The following BACE1 variants were observed in gnomAD, a reference collection of about 807,000 sequenced individuals.
BACE1 encodes the protein beta-secretase 1, also known as APP beta-secretase.
Under a neutral mutation model 54.0 loss-of-function variants are expected in BACE1, and 21 were observed. That is an observed-to-expected ratio of 0.39 (90% CI 0.28 to 0.56). The LOEUF (loss-of-function observed/expected upper bound fraction) is 0.56. Among genes scored for constraint, BACE1 ranks in the 20% least tolerant of loss-of-function variants. The pLI, the probability that BACE1 is intolerant of heterozygous loss-of-function variation, is 0.63. For synonymous variants in BACE1, 232 were observed against 260.9 expected, an observed-to-expected ratio of 0.89 and a Z score of 1.07; for missense variants, 511 against 661.2, an observed-to-expected ratio of 0.77 and a Z score of 2.49.
In BACE1 at chr11:117,297,234, G is replaced by T. The variant is rs2034622393; in HGVS notation, c.262-273C>A. 15 of 403,144 alleles carry T rather than the reference G, an allele frequency of 3.7e-5. No individual in the cohort carries two copies. The South Asian group carries it at 5.5e-4, about 15-fold the overall frequency. The allele number at this position is 403,144 out of a possible 1,614,324, so 25.0% of individuals were successfully genotyped here. ...ACTGAAAAAAGGCAGATTAGTAGAA[G>T]AACTAATATGCAAGGGAGTCAAAAA... On this transcript the variant is annotated intron_variant, in intron 1 of 8. Coordinates refer to ENST00000313005, the MANE Select transcript of BACE1 (RefSeq NM_012104.6).
rs2034508843 is a variant in BACE1, at chr11:117,293,386, C to G, written c.706-198G>C. On this transcript the variant is annotated intron_variant, in intron 4 of 8. Coordinates refer to ENST00000313005, the MANE Select transcript of BACE1 (RefSeq NM_012104.6). This position sits in a 1 kb window ranked among gnomAD's most constrained non-coding sequence, Gnocchi z 4.1. Reference sequence around the variant, plus strand: ...AAATGTGTTCAGGAGAAAAGACTTTCCGGGATTTTTAATTATTTGTTTCAG... The same window carrying G: ...AAATGTGTTCAGGAGAAAAGACTTTGCGGGATTTTTAATTATTTGTTTCAG... 2.1e-6 allele frequency: 1 copy of G among 471,108 alleles called. No individual in the cohort carries two copies. Among genetic ancestry groups the G allele is most frequent in the Non-Finnish European group, 3.6e-6 (1 of 277,900 alleles). 29.2% of individuals were successfully genotyped at this position (471,108 alleles called of 1,614,324 possible). A position where few individuals can be genotyped will look rare whatever the true frequency, so the allele number is the denominator to read the frequency against.
intron 1 of BACE1, among the ~76,000 whole-genome samples, chr11:117,309,584 C>T (rs991973596): frequency 2.0e-5 from 3 of 152,226 alleles, no homozygotes; most frequent in African/African-American, 7.2e-5. Flanking sequence ...CCCTCCTTTT[C>T]CAGCAAGCTG....
intron 5 of BACE1, among the ~76,000 whole-genome samples, chr11:117,292,590 A>G (rs534040088): frequency 2.7e-4 from 41 of 152,322 alleles, no homozygotes; most frequent in African/African-American, 9.1e-4. Flanking sequence ...AACCACAGAG[A>G]TAAACACTTT....
chr11:117,304,429 G>A (rs1172272721), intron 1 of BACE1, among the ~76,000 whole-genome samples: 1 of 152,212 alleles, frequency 6.6e-6, no homozygotes, highest in African/African-American at 2.4e-5. Flanking sequence ...AAATTTTGGA[G>A]TAGTCTGTTA....
chr11:117,311,934 C>T (rs184291013), intron 1 of BACE1, among the ~76,000 whole-genome samples: 12 of 152,356 alleles, frequency 7.9e-5, no homozygotes, highest in African/African-American at 2.2e-4. Context: ...CCACCACACA[C>T]AGCCCCCACT....
At position 117,293,122 on chromosome 11, in the gene BACE1, A is replaced by G. The variant is rs1189280001; in HGVS notation, c.772T>C (p.Trp258Arg). The change falls in exon 5 of 9, where the codon TGG becomes CGG. Residue 258 changes from tryptophan to arginine, a missense_variant. This residue lies in a region of BACE1 where 407 missense variants were observed against 565.7 expected (regional missense o/e 0.72). Coordinates refer to ENST00000313005, the MANE Select transcript of BACE1 (RefSeq NM_012104.6). The surrounding 1 kb of genome is among the most constrained non-coding windows in gnomAD (Gnocchi z 4.1). ...SLWYTPIRRE[W>R]YYEVIIVRVE... ...CGCACAATGATCACCTCATAATACC[A>G]CTCCCGCCGGATGGGTGTATACCAG... The G allele has an allele frequency of 1.3e-5, 21 of 1,612,564 alleles. No homozygotes were observed. The highest frequency in any genetic ancestry group is 1.7e-5 in the Non-Finnish European group (20 of 1,179,772).
At chr11:117,291,300 A>G (rs1267621155) in intron 6 of BACE1, among the ~76,000 whole-genome samples, 1 of 150,092 alleles carries the variant, frequency 6.7e-6, no homozygotes, top group Non-Finnish European at 1.5e-5. Flanking sequence ...TTTTTGAAAC[A>G]GTGTCTCACT....
At chr11:117,302,447 G>A (rs1379230102) in intron 1 of BACE1, among the ~76,000 whole-genome samples, 1 of 152,100 alleles carries the variant, frequency 6.6e-6, no homozygotes, top group Admixed American at 6.6e-5. Flanking sequence ...GGTCCCTCTC[G>A]CAAAGGCTGT....
intron 1 of BACE1, among the ~76,000 whole-genome samples, chr11:117,303,123 A>C (rs1024239214): frequency 6.6e-6 from 1 of 152,114 alleles, no homozygotes; most frequent in Non-Finnish European, 1.5e-5. Flanking sequence ...GTGGCTCCCA[A>C]ACCATGGGTG....
Position 117,295,331 on chromosome 11 carries a change from C to A in BACE1, c.367G>T (p.Asp123Tyr). ...YQRQLSSTYR[D>Y]LRKGVYVPYT... The stretch of plus-strand genomic sequence containing the variant: ...GGCACATACACACCCTTCCGGAGGT[C>A]CCGGTATGTGCTGGACCTGTGGAAA... Residue 123 changes from aspartate to tyrosine, a missense_variant, in exon 3 of 9, where the codon GAC becomes TAC. Physicochemically the swap from Asp to Tyr is radical, Grantham distance 160 (BLOSUM62 -3). Transcript: ENST00000313005. The A allele has an allele frequency of 1.9e-6, 3 of 1,613,734 alleles. No homozygotes were observed. Among genetic ancestry groups the A allele is most frequent in the Non-Finnish European group, 2.5e-6 (3 of 1,179,640 alleles).
chr11:117,307,283 G>C, intron 1 of BACE1, among the ~76,000 whole-genome samples: 1 of 152,108 alleles, frequency 6.6e-6, no homozygotes, highest in Non-Finnish European at 1.5e-5. Flanking sequence ...CATTAGGTAT[G>C]GGGGCTTCCC....
chr11:117,296,449 G>C (rs1169179471), intron 2 of BACE1, among the ~76,000 whole-genome samples: 1 of 152,154 alleles, frequency 6.6e-6, no homozygotes, highest in East Asian at 1.9e-4. Flanking sequence ...CCCTGGGTAA[G>C]AACACAGCAA....
At chr11:117,313,783 T>C (rs1277671427) in intron 1 of BACE1, among the ~76,000 whole-genome samples, 1 of 152,128 alleles carries the variant, frequency 6.6e-6, no homozygotes, top group African/African-American at 2.4e-5. Context: ...CCTCATTGCA[T>C]AGAATTGAAG....
At chr11:117,299,680 G>A (rs999995625) in intron 1 of BACE1, 2 of 404,932 alleles carry the variant, frequency 4.9e-6, no homozygotes, top group East Asian at 1.1e-4. Flanking sequence ...CGGTCTCTGG[G>A]CAGCCACCAG....
At chr11:117,296,050 G>C (rs2034590963) in intron 2 of BACE1, among the ~76,000 whole-genome samples, 1 of 152,160 alleles carries the variant, frequency 6.6e-6, no homozygotes, top group Admixed American at 6.5e-5. Context: ...TGGGACATTA[G>C]AGGAAACAGG....
rs144105656 is a variant in BACE1, at chr11:117,294,279, C to G, written c.568-271G>C. The G allele has an allele frequency of 4.6e-3, 1,053 of 229,210 alleles. 16 individuals carry two copies. Among genetic ancestry groups the G allele is most frequent in the African/African-American group, 0.023 (1,010 of 43,572 alleles). 14.2% of individuals were successfully genotyped at this position (229,210 alleles called of 1,614,324 possible). On this transcript the variant is annotated intron_variant, in intron 3 of 8. Coordinates refer to ENST00000313005, the MANE Select transcript of BACE1 (RefSeq NM_012104.6). ...TTGCCCAAGCTGGAGTGCAATGTTA[C>G]GATCTCGGCTCACTGCAACCTTCAC... is the stretch of plus-strand genomic sequence containing the variant.
At chr11:117,312,671 C>T (rs1294754386) in intron 1 of BACE1, among the ~76,000 whole-genome samples, 1 of 152,182 alleles carries the variant, frequency 6.6e-6, no homozygotes, top group Non-Finnish European at 1.5e-5. Context: ...CCACGTTGGC[C>T]AGGCTGGTCG....
chr11:117,298,168 GACGC>G (rs897867347), intron 1 of BACE1, among the ~76,000 whole-genome samples: 23 of 152,190 alleles, frequency 1.5e-4, no homozygotes, highest in African/African-American at 5.3e-4. Context: ...CGGGTGTGGT[GACGC>G]ACGCCTATAA....
At chr11:117,290,715 CTGCCTTGTAGGCATCTA>C in intron 7 of BACE1, 56 bp from the exon 8 acceptor site, 16 of 1,600,586 alleles carry the variant, frequency 1.0e-5, no homozygotes, top group Non-Finnish European at 1.3e-5. Context: ...CACCCCATCT[CTGCCTTGTAGGCATCTA>C]TGCCCTTCCC....
Sources: gnomAD v4.1 joint callset for allele counts (sites outside exome capture counted in the v4.1 genomes callset) on GRCh38, gnomAD v4.1.1 for gene constraint, gnomAD v4.1.1 regional missense constraint, Gnocchi (gnomAD v3.1) non-coding constraint, MANE v1.5 for transcripts, NCBI Gene and HGNC (gene_info 2026-07-23, HGNC 2026-07-21) for gene names.